The following DIP2C variants were observed in gnomAD, a reference collection of about 807,000 sequenced individuals.
The protein encoded by DIP2C is DIP2 acetate--CoA ligase C (putative).
Under a neutral mutation model 192.4 loss-of-function variants are expected in DIP2C, and 33 were observed. That is an observed-to-expected ratio of 0.17 (90% CI 0.13 to 0.23). The LOEUF is 0.23. DIP2C is among the 10% of genes least tolerant of loss of function. DIP2C has a pLI of 1.00. For synonymous variants in DIP2C, 979 were observed against 864.1 expected, an observed-to-expected ratio of 1.13 and a Z score of -2.33; for missense variants, 1,537 against 2,110.1, an observed-to-expected ratio of 0.73 and a Z score of 5.32.
intron 1 of DIP2C, among the ~76,000 whole-genome samples, chr10:627,527 A>C (rs533145921): frequency 1.3e-5 from 2 of 152,338 alleles, no homozygotes; most frequent in South Asian, 4.1e-4. Flanking sequence ...CCCAGGGCAG[A>C]CAGTGTCTTC....
chr10:380,292 AAC>A, intron 17 of DIP2C, among the ~76,000 whole-genome samples: 9 of 151,038 alleles, frequency 6.0e-5, no homozygotes, highest in African/African-American at 1.5e-4. Flanking sequence ...GATGATGGTT[AAC>A]ACGCAGAAGA....
intron 1 of DIP2C, among the ~76,000 whole-genome samples, chr10:518,714 ATGG>A (rs1588370602): frequency 6.6e-6 from 1 of 152,188 alleles, no homozygotes; most frequent in East Asian, 1.9e-4. Context: ...AGGCCAGTCA[ATGG>A]TGTTTTGTTA....
chr10:282,678 C>G (rs935924668), intron 35 of DIP2C, among the ~76,000 whole-genome samples: 1 of 152,260 alleles, frequency 6.6e-6, no homozygotes, highest in Non-Finnish European at 1.5e-5. Flanking sequence ...TGGCTTCACC[C>G]TGCTCTCCTC....
At chr10:277,944 C>T (rs1260676587) in intron 36 of DIP2C, among the ~76,000 whole-genome samples, 1 of 152,248 alleles carries the variant, frequency 6.6e-6, no homozygotes, top group Non-Finnish European at 1.5e-5. Flanking sequence ...TGCAGTGTGC[C>T]ATCAGCCTCG....
intron 1 of DIP2C, among the ~76,000 whole-genome samples, chr10:575,521 A>T (rs187495571): frequency 3.7e-4 from 57 of 152,328 alleles, no homozygotes; most frequent in East Asian, 3.1e-3. Context: ...CTCTGCTGAG[A>T]GTGTCAAGAT....
Position 651,267 on chromosome 10 carries a change from G to A in DIP2C, c.85+38227C>T. ...CAGCGTGGGTTCCGGTCACCAGTCG[G>A]CCTCCCCCACCAACGTGGACTCCTT... is the stretch of plus-strand genomic sequence containing the variant. On this transcript the variant is annotated intron_variant, in intron 1 of 36. Transcript: ENST00000280886. This position sits in a 1 kb window ranked among gnomAD's most constrained non-coding sequence, Gnocchi z 4.1. 1 of 714,176 alleles carries A rather than the reference G, an allele frequency of 1.4e-6. No individual in the cohort carries two copies. The highest frequency in any genetic ancestry group is 1.5e-5 in the South Asian group (1 of 67,552). 44.2% of individuals were successfully genotyped at this position (714,176 alleles called of 1,614,324 possible). A position where few individuals can be genotyped will look rare whatever the true frequency, so the allele number is the denominator to read the frequency against.
chr10:577,226 A>G (rs915277529), intron 1 of DIP2C, among the ~76,000 whole-genome samples: 1 of 151,348 alleles, frequency 6.6e-6, no homozygotes, highest in East Asian at 1.9e-4. Context: ...ACATGGTACA[A>G]GAAGAATGAC....
chr10:388,956 G>A, intron 13 of DIP2C, among the ~76,000 whole-genome samples: 1 of 150,038 alleles, frequency 6.7e-6, no homozygotes, highest in South Asian at 2.1e-4. Flanking sequence ...GACATGGGGG[G>A]GTTCTCTGGA....
At chr10:399,030 A>G in intron 10 of DIP2C, 79 bp downstream of exon 10, 1 of 1,234,638 alleles carries the variant, frequency 8.1e-7, no homozygotes, top group South Asian at 1.2e-5. Flanking sequence ...CAGCGAGGAG[A>G]CCCTCACCCA....
chr10:479,928 T>C (rs1291194659), intron 2 of DIP2C, among the ~76,000 whole-genome samples: 1 of 149,664 alleles, frequency 6.7e-6, no homozygotes, highest in East Asian at 2.0e-4. Flanking sequence ...CCATGCTCAC[T>C]GGATGAGTCT....
chr10:560,694 T>C (rs1395568158), intron 1 of DIP2C, among the ~76,000 whole-genome samples: 2 of 152,218 alleles, frequency 1.3e-5, no homozygotes, highest in African/African-American at 4.8e-5. Context: ...ACGTAATCAC[T>C]TTCTGGTTGT....
intron 5 of DIP2C, among the ~76,000 whole-genome samples, chr10:419,411 C>T (rs1482340989): frequency 6.6e-6 from 1 of 152,176 alleles, no homozygotes; most frequent in African/African-American, 2.4e-5. Context: ...GAGCAGAGTT[C>T]GGTAAAACCT....
chr10:380,573 C>T (rs374955878), intron 17 of DIP2C, among the ~76,000 whole-genome samples: 2 of 152,244 alleles, frequency 1.3e-5, no homozygotes, highest in South Asian at 2.1e-4. Flanking sequence ...AGGCATAATC[C>T]GTCCTCTACA....
intron 3 of DIP2C, among the ~76,000 whole-genome samples, chr10:444,300 G>T (rs1967977415): frequency 6.6e-6 from 1 of 151,470 alleles, no homozygotes; most frequent in Non-Finnish European, 1.5e-5. Flanking sequence ...GTGTTCCTTG[G>T]CACTGTTCCG....
At chr10:597,529 C>T (rs778298452) in intron 1 of DIP2C, among the ~76,000 whole-genome samples, 2 of 152,226 alleles carry the variant, frequency 1.3e-5, no homozygotes, top group African/African-American at 4.8e-5. Context: ...GCCGAGGACA[C>T]GCTGGGCAGC....
intron 1 of DIP2C, among the ~76,000 whole-genome samples, chr10:498,536 G>C (rs372031644): frequency 6.6e-6 from 1 of 152,210 alleles, no homozygotes; most frequent in Non-Finnish European, 1.5e-5. Flanking sequence ...CTTCCTCCCT[G>C]CTGCCCAGGG....
chr10:649,414 T>C (rs947598053), intron 1 of DIP2C, among the ~76,000 whole-genome samples: 4 of 152,240 alleles, frequency 2.6e-5, no homozygotes, highest in African/African-American at 9.6e-5. Context: ...CAGGTCCACA[T>C]TTGATGGTGG....
intron 1 of DIP2C, among the ~76,000 whole-genome samples, chr10:489,148 C>G (rs921242761): frequency 6.6e-6 from 1 of 152,196 alleles, no homozygotes; most frequent in Non-Finnish European, 1.5e-5. Flanking sequence ...GGCCCCAAAG[C>G]TCATGGCTCA....
At chr10:367,830 C>G (rs560197822) in intron 18 of DIP2C, among the ~76,000 whole-genome samples, 1 of 152,388 alleles carries the variant, frequency 6.6e-6, no homozygotes, top group African/African-American at 2.4e-5. Context: ...TCCATCATGA[C>G]GTGAGAAAAC....
Sources: gnomAD v4.1 joint callset for allele counts (sites outside exome capture counted in the v4.1 genomes callset) on GRCh38, gnomAD v4.1.1 for gene constraint, Gnocchi (gnomAD v3.1) non-coding constraint, MANE v1.5 for transcripts, NCBI Gene and HGNC (gene_info 2026-07-23, HGNC 2026-07-21) for gene names.